Variants in NOL10 observed in about 807,000 individuals in gnomAD.
NOL10 encodes the protein nucleolar protein 10.
A neutral mutation model predicts 103.5 loss-of-function variants in NOL10; 58 were observed. The observed-to-expected ratio is 0.56, with a 90% confidence interval of 0.45 to 0.70. The LOEUF (loss-of-function observed/expected upper bound fraction) is 0.70. Ranked by LOEUF, NOL10 falls within the 30% of genes least tolerant of loss-of-function variation. NOL10 has a pLI of 0.00. For missense variants in NOL10, 763 were observed against 807.3 expected (o/e 0.95, Z 0.67); for synonymous variants, 287 against 282.5 (o/e 1.02, Z -0.16).
intron 20 of NOL10, among the ~76,000 whole-genome samples, chr2:10,575,300 G>A (rs573128976): frequency 3.5e-4 from 54 of 152,186 alleles, no homozygotes; most frequent in Non-Finnish European, 7.5e-4. Context: ...ATTTTAGGAG[G>A]TACATATGCA....
chr2:10,587,256 T>TAC lies in NOL10; in HGVS notation c.1844+1785_1844+1786dup, dbSNP rs61115919. On this transcript the variant is annotated intron_variant, in intron 19 of 20. Transcript: ENST00000381685. ...ATATATATACATACATATATATATA[T>TAC]ACACATATATATATATATATTTTTT... is the stretch of plus-strand genomic sequence containing the variant. 8.4e-5 allele frequency among the ~76,000 whole-genome samples: 3 copies of TAC among 35,516 alleles called. 1 individual carries two copies. Among genetic ancestry groups the TAC allele is most frequent in the Non-Finnish European group, 1.6e-4 (3 of 18,734 alleles). The allele number at this position is 35,516 out of a possible 152,430, so 23.3% of individuals were successfully genotyped here.
intron 13 of NOL10, among the ~76,000 whole-genome samples, chr2:10,636,970 G>T (rs187269621): frequency 6.6e-6 from 1 of 152,244 alleles, no homozygotes; most frequent in Admixed American, 6.5e-5. Flanking sequence ...GGGAGGCCCA[G>T]ATGGGTGGAT....
intron 19 of NOL10, among the ~76,000 whole-genome samples, chr2:10,587,609 C>G (rs949112371): frequency 9.2e-5 from 14 of 151,826 alleles, no homozygotes; most frequent in Non-Finnish European, 2.1e-4. Flanking sequence ...GTTGGCACTC[C>G]TAGCCCTCGA....
chr2:10,589,742 T>C lies in NOL10; in HGVS notation c.1432A>G (p.Asn478Asp), dbSNP rs1455219541. The C allele has an allele frequency of 1.3e-6, 2 of 1,527,498 alleles. No individual in the cohort carries two copies. Among genetic ancestry groups the C allele is most frequent in the African/African-American group, 1.4e-5 (1 of 71,540 alleles). 94.6% of individuals were successfully genotyped at this position (1,527,498 alleles called of 1,614,324 possible). The change falls in exon 18 of 21, where the codon AAT becomes GAT. Residue 478 changes from asparagine (N) to aspartate (D), a missense_variant. Coordinates refer to ENST00000381685, the MANE Select transcript of NOL10 (RefSeq NM_024894.4). ...TWKKKVKSLP[N>D]ILTDDRFKVM... ...TTAAATCGATCATCGGTGAGAATATTAGGAAGACTCTACAAGGAGGAAAAA... is the reference window on the plus strand; with the variant it reads ...TTAAATCGATCATCGGTGAGAATATCAGGAAGACTCTACAAGGAGGAAAAA...
intron 17 of NOL10, among the ~76,000 whole-genome samples, chr2:10,598,233 C>T (rs1466302800): frequency 2.0e-5 from 3 of 152,176 alleles, no homozygotes; most frequent in East Asian, 1.9e-4. Context: ...TGTCAGTGAC[C>T]GGACACTGCA....
chr2:10,687,472 A>C (rs1682298201), intron 1 of NOL10, among the ~76,000 whole-genome samples: 1 of 152,154 alleles, frequency 6.6e-6, no homozygotes. Context: ...TTCTTGGATG[A>C]CAAATGCTAA....
At chr2:10,637,768 G>A (rs2148263417) in intron 13 of NOL10, among the ~76,000 whole-genome samples, 1 of 152,262 alleles carries the variant, frequency 6.6e-6, no homozygotes, top group South Asian at 2.1e-4. Flanking sequence ...TTTATGAACT[G>A]CTGGATAAGC....
intron 12 of NOL10, among the ~76,000 whole-genome samples, chr2:10,648,966 C>CA (rs1278665886): frequency 1.3e-5 from 2 of 151,804 alleles, no homozygotes; most frequent in Admixed American, 6.6e-5. Context: ...AAAAAACAAA[C>CA]AAAAAAACCA....
At position 10,679,994 on chromosome 2, in the gene NOL10, G is replaced by A. The variant is rs140286078; in HGVS notation, c.211+1977C>T. ...TCTGAATAAGAAGGAAAGCCATTAG[G>A]CCAGGCGCAGTGGCTCACACCTATA... On this transcript the variant is annotated intron_variant, in intron 3 of 20. Transcript: ENST00000381685. Among the ~76,000 whole-genome samples, 37 of 152,106 alleles carry A rather than the reference G, an allele frequency of 2.4e-4. No homozygotes were observed. The East Asian group carries it at 6.4e-3, about 26-fold the overall frequency.
rs757736522 is a variant in NOL10, at chr2:10,668,662, C to T, written c.526G>A (p.Ala176Thr). Residue 176 changes from alanine (A) to threonine (T), a missense_variant, in exon 7 of 21, where the codon GCT becomes ACT. Transcript: ENST00000381685. ...AGAATTACTAAAACTACTCACGCAG[C>T]ATCAGTTTGTAGAGGATTCAGGTAT... ...GRYLNPLQTD[A>T]AENNVCDINS... The T allele has an allele frequency of 2.0e-5, 30 of 1,513,762 alleles. No individual in the cohort carries two copies. In the South Asian group the frequency reaches 2.1e-4, roughly 11 times the overall value. The allele number at this position is 1,513,762 out of a possible 1,614,324, so 93.8% of individuals were successfully genotyped here. A position where few individuals can be genotyped will look rare whatever the true frequency, so the allele number is the denominator to read the frequency against.
Position 10,644,348 on chromosome 2 carries a change from G to A in NOL10, c.998C>T (p.Thr333Ile), listed in dbSNP as rs1382564088. ...AATGTAATAGATGCCCATCTTGGGG[G>A]TTTCATTGGCCGTCAGAAGCATGCC... Reference protein sequence around the residue: ...NSGMLLTANETPKMGIYYIPV... With the variant: ...NSGMLLTANEIPKMGIYYIPV... The change falls in exon 13 of 21, where the codon ACC becomes ATC. Residue 333 changes from threonine (T) to isoleucine (I), a missense_variant. Thr to Ile is a moderately conservative substitution (Grantham distance 89, BLOSUM62 -1). Coordinates refer to ENST00000381685, the MANE Select transcript of NOL10 (RefSeq NM_024894.4). 1 of 1,540,224 alleles carries A rather than the reference G, an allele frequency of 6.5e-7. No homozygotes were observed. Among genetic ancestry groups the A allele is most frequent in the East Asian group, 2.5e-5 (1 of 39,964 alleles).
chr2:10,634,537 C>T (rs1003250902), intron 13 of NOL10: 72 of 456,578 alleles, frequency 1.6e-4, no homozygotes, highest in Non-Finnish European at 3.0e-4. Flanking sequence ...TGGATATGTA[C>T]CTCTGTAGCT....
chr2:10,589,516 TACA>T, intron 18 of NOL10, 59 bp downstream of exon 18: 1 of 1,353,482 alleles, frequency 7.4e-7, no homozygotes, highest in South Asian at 1.5e-5. Context: ...TCTTCTAACT[TACA>T]AAGAAAACAT....
At chr2:10,625,932 G>C (rs1037119842) in intron 13 of NOL10, among the ~76,000 whole-genome samples, 2 of 152,098 alleles carry the variant, frequency 1.3e-5, no homozygotes, top group Non-Finnish European at 2.9e-5. Flanking sequence ...ACAGTACTCT[G>C]GGAGGCCAAG....
chr2:10,592,366 G>A (rs1675434055), intron 17 of NOL10, among the ~76,000 whole-genome samples: 1 of 152,194 alleles, frequency 6.6e-6, no homozygotes, highest in Non-Finnish European at 1.5e-5. Context: ...AAACGCAGGG[G>A]TGGAGTAAAG....
At chr2:10,636,420 CAAAAAAAAAAAAA>C (rs70953327) in intron 13 of NOL10, among the ~76,000 whole-genome samples, 1 of 54,696 alleles carries the variant, frequency 1.8e-5, no homozygotes, top group Non-Finnish European at 3.1e-5. Flanking sequence ...TACAAAAAAC[CAAAAAAAAAAAAA>C]AAAAAAAAAA....
At chr2:10,677,928 CAGAT>C (rs1298278728) in intron 3 of NOL10, among the ~76,000 whole-genome samples, 1 of 147,948 alleles carries the variant, frequency 6.8e-6, no homozygotes, top group Non-Finnish European at 1.5e-5. Flanking sequence ...TCCATATAGA[CAGAT>C]ACATATATAT....
chr2:10,673,665 G>A lies in NOL10; in HGVS notation c.290-108C>T, dbSNP rs1340832995. On this transcript the variant is annotated intron_variant, in intron 4 of 20. Coordinates refer to ENST00000381685, the MANE Select transcript of NOL10 (RefSeq NM_024894.4). ...CAACACAGAAATTATATACATACCA[G>A]TTTTTTTCTGCCTCTACGTGAAACA... 8.0e-6 allele frequency: 5 copies of A among 622,724 alleles called. No individual in the cohort carries two copies. The African/African-American group carries it at 9.5e-5, about 12-fold the overall frequency. The allele number at this position is 622,724 out of a possible 1,614,324, so 38.6% of individuals were successfully genotyped here. A position where few individuals can be genotyped will look rare whatever the true frequency, so the allele number is the denominator to read the frequency against.
rs1272386970 is a variant in NOL10, at chr2:10,668,709, C to T, written c.479G>A (p.Arg160Lys). ...YFVGASSEVYRLNLEQGRYLN... is the reference protein window; with the variant it reads ...YFVGASSEVYKLNLEQGRYLN... ...GTATCGTCCTTGTTCTAAGTTTAACCTATAAACTTCAGAACTGTAAAGTAA... is the reference window on the plus strand; with the variant it reads ...GTATCGTCCTTGTTCTAAGTTTAACTTATAAACTTCAGAACTGTAAAGTAA... The change falls in exon 7 of 21, where the codon AGG becomes AAG. Residue 160 changes from arginine (R) to lysine (K), a missense_variant. Arg to Lys is a conservative substitution (Grantham distance 26). Transcript: ENST00000381685. The T allele has an allele frequency of 6.6e-7, 1 of 1,522,298 alleles. No homozygotes were observed. The highest frequency in any genetic ancestry group is 1.9e-5 in the Admixed American group (1 of 53,190). The allele number at this position is 1,522,298 out of a possible 1,614,324, so 94.3% of individuals were successfully genotyped here.
Sources: gnomAD v4.1 joint callset for allele counts (sites outside exome capture counted in the v4.1 genomes callset) on GRCh38, gnomAD v4.1.1 for gene constraint, MANE v1.5 for transcripts, NCBI Gene and HGNC (gene_info 2026-07-23, HGNC 2026-07-21) for gene names.